The following METTL15 variants were observed in gnomAD, a reference collection of about 807,000 sequenced individuals.
METTL15 encodes methyltransferase 15, mitochondrial 12S rRNA N4-cytidine, also known as 12S rRNA N(4)-cytidine methyltransferase METTL15.
In METTL15, 34 loss-of-function variants were observed where a neutral mutation model predicts 38.3. The ratio of observed to expected loss-of-function variants is 0.89; its 90% CI spans 0.68 to 1.18. METTL15 has a LOEUF of 1.18. METTL15 is among the 50% of genes most tolerant of loss of function. METTL15 has a pLI of 0.00. For missense variants in METTL15, 438 were observed against 498.4 expected, an observed-to-expected ratio of 0.88 and a Z score of 1.15; for synonymous variants, 162 against 170.9, an observed-to-expected ratio of 0.95 and a Z score of 0.41.
intron 4 of METTL15, among the ~76,000 whole-genome samples, chr11:28,245,018 A>C (rs1854451692): frequency 6.6e-6 from 1 of 152,204 alleles, no homozygotes; most frequent in Admixed American, 6.5e-5. Flanking sequence ...GATAGATCTG[A>C]AGATAGGCAG....
intron 4 of METTL15, among the ~76,000 whole-genome samples, chr11:28,235,483 G>T (rs1037326780): frequency 6.6e-6 from 1 of 151,962 alleles, no homozygotes; most frequent in Admixed American, 6.6e-5. Context: ...TTATTTCCTT[G>T]AGCAGTGGTT....
chr11:28,347,835 CT>C (rs1200223389), intron 3 of METTL15, among the ~76,000 whole-genome samples: 1 of 152,196 alleles, frequency 6.6e-6, no homozygotes, highest in African/African-American at 2.4e-5. Flanking sequence ...AAGTTATCTC[CT>C]TTAGTAAGCC....
chr11:28,526,024 C>T lies in METTL15; in HGVS notation c.*425-454C>T, dbSNP rs1168545196. ...GCACTGCTGGGGGACCTGGCGCACC[C>T]TCTGCAGCTGCTGGCCCGGGTGCTA... On this transcript the variant is annotated intron_variant and NMD_transcript_variant, in intron 6 of 7. Coordinates refer to the METTL15 transcript ENST00000532947. 1.1e-4 allele frequency among the ~76,000 whole-genome samples: 17 copies of T among 152,246 alleles called. 1 individual carries two copies.
intron 5 of METTL15, among the ~76,000 whole-genome samples, chr11:28,408,080 C>T (rs962179945): frequency 9.2e-5 from 14 of 152,078 alleles, no homozygotes; most frequent in African/African-American, 3.4e-4. Flanking sequence ...ACCACATTTT[C>T]TCACTTATAA....
intron 5 of METTL15, among the ~76,000 whole-genome samples, chr11:28,296,238 C>G (rs1590282593): frequency 6.6e-6 from 1 of 152,114 alleles, no homozygotes; most frequent in Non-Finnish European, 1.5e-5. Flanking sequence ...GTGAGGGAAA[C>G]TGATCAGCAG....
downstream of METTL15, among the ~76,000 whole-genome samples, chr11:28,334,784 A>G (rs1430084413): frequency 3.9e-5 from 6 of 152,288 alleles, no homozygotes; most frequent in Middle Eastern, 3.4e-3. Flanking sequence ...TTTAAAGTCT[A>G]GTTGCAGCAT....
intron 4 of METTL15, among the ~76,000 whole-genome samples, chr11:28,357,877 A>G (rs1406002452): frequency 6.6e-6 from 1 of 152,206 alleles, no homozygotes; most frequent in Non-Finnish European, 1.5e-5. Flanking sequence ...ATGAAAGAGC[A>G]ACGAGAGAAG....
chr11:28,177,862 T>C (rs1196717637), intron 3 of METTL15, among the ~76,000 whole-genome samples: 1 of 151,954 alleles, frequency 6.6e-6, no homozygotes, highest in Admixed American at 6.6e-5. Context: ...GATGGATAGA[T>C]AGATGGATTA....
intron 6 of METTL15, among the ~76,000 whole-genome samples, chr11:28,490,610 C>T (rs945217938): frequency 3.9e-5 from 6 of 152,026 alleles, no homozygotes; most frequent in Non-Finnish European, 7.4e-5. Flanking sequence ...TAAAGCTCCC[C>T]AGGTGATTCT....
intron 4 of METTL15, among the ~76,000 whole-genome samples, chr11:28,272,000 A>G (rs2133958425): frequency 6.6e-6 from 1 of 152,334 alleles, no homozygotes; most frequent in Middle Eastern, 3.4e-3. Context: ...GAGAAATGCA[A>G]ATCAAAACCA....
chr11:28,516,515 T>C (rs1403066049), intron 6 of METTL15, among the ~76,000 whole-genome samples: 1 of 152,214 alleles, frequency 6.6e-6, no homozygotes, highest in Non-Finnish European at 1.5e-5. Flanking sequence ...AATTAAGTTC[T>C]TTTTCCTCTA....
chr11:28,438,462 A>G (rs1851002431), intron 6 of METTL15, among the ~76,000 whole-genome samples: 1 of 152,108 alleles, frequency 6.6e-6, no homozygotes, highest in Admixed American at 6.5e-5. Flanking sequence ...TTGCTGGGAC[A>G]TATTCCCTGT....
At chr11:28,301,353 A>G (rs1358814359) in intron 6 of METTL15, among the ~76,000 whole-genome samples, 2 of 151,774 alleles carry the variant, frequency 1.3e-5, no homozygotes, top group African/African-American at 4.8e-5. Flanking sequence ...CTTCCTCACA[A>G]AGTTTTTTCC....
At chr11:28,302,009 A>G (rs1399727260) in intron 6 of METTL15, among the ~76,000 whole-genome samples, 1 of 152,140 alleles carries the variant, frequency 6.6e-6, no homozygotes, top group East Asian at 1.9e-4. Context: ...GTGAGGATCA[A>G]GCTGTCCTCC....
At chr11:28,201,610 G>GGTTGTGTGTGTGTGTGTGT (rs1852117447) in intron 3 of METTL15, among the ~76,000 whole-genome samples, 1 of 145,564 alleles carries the variant, frequency 6.9e-6, no homozygotes, top group Admixed American at 6.8e-5. Context: ...GTCTTGGGAG[G>GGTTGTGTGTGTGTGTGTGT]GTGTGTGTGT....
At chr11:28,336,158 A>G (rs557806371), downstream of METTL15, among the ~76,000 whole-genome samples, 1 of 150,314 alleles carries the variant, frequency 6.7e-6, no homozygotes, top group Admixed American at 6.6e-5. Flanking sequence ...ACTCCCATGT[A>G]TTATTTATTA....
intron 5 of METTL15, among the ~76,000 whole-genome samples, chr11:28,291,500 T>A (rs1055295766): frequency 1.2e-4 from 18 of 152,264 alleles, no homozygotes; most frequent in African/African-American, 4.3e-4. Context: ...ACAAACTGCT[T>A]TGTTTTGTGG....
rs148318844 is a variant in METTL15, at chr11:28,400,593, C to G, written c.*359-23706C>G. Among the ~76,000 whole-genome samples the G allele has an allele frequency of 3.9e-3, 587 of 152,040 alleles. 6 individuals are homozygous for G. Among genetic ancestry groups the G allele is most frequent in the African/African-American group, 0.013 (547 of 41,516 alleles). ...TCTGAGTTCCCCCCATCCCTCACCC[C>G]TCTTGAGGTCCAAAGGTTACATATT... On this transcript the variant is annotated intron_variant and NMD_transcript_variant, in intron 5 of 7. Coordinates refer to the METTL15 transcript ENST00000532947.
At chr11:28,237,473 C>G (rs1854052554) in intron 4 of METTL15, among the ~76,000 whole-genome samples, 1 of 152,266 alleles carries the variant, frequency 6.6e-6, no homozygotes, top group East Asian at 1.9e-4. Flanking sequence ...AAGCACTTCT[C>G]TGTATTGGTT....
Sources: gnomAD v4.1 joint callset for allele counts (sites outside exome capture counted in the v4.1 genomes callset) on GRCh38, gnomAD v4.1.1 for gene constraint, MANE v1.5 for transcripts, NCBI Gene and HGNC (gene_info 2026-07-23, HGNC 2026-07-21) for gene names.